Variants in CCDC171 observed in about 807,000 individuals in gnomAD.
CCDC171 encodes coiled-coil domain-containing protein 171.
Under a neutral mutation model 168.2 loss-of-function variants are expected in CCDC171, and 177 were observed. The ratio of observed to expected loss-of-function variants is 1.05; its 90% CI spans 0.93 to 1.19. The LOEUF is 1.19. CCDC171 is among the 50% of genes most tolerant of loss of function. The pLI, the probability that CCDC171 is intolerant of heterozygous loss-of-function variation, is 0.00. For synonymous variants in CCDC171, 687 were observed against 540.8 expected, an observed-to-expected ratio of 1.27 and a Z score of -3.75; for missense variants, 1,991 against 1,539.0, an observed-to-expected ratio of 1.29 and a Z score of -4.91.
At chr9:15,874,972 G>A (rs771755164) in intron 24 of CCDC171, 14 of 176,042 alleles carry the variant, frequency 8.0e-5, no homozygotes, top group Non-Finnish European at 1.3e-4. Flanking sequence ...ACACTAGGCT[G>A]TTACCTCTTT....
At chr9:15,940,604 T>C (rs1827602547) in intron 25 of CCDC171, among the ~76,000 whole-genome samples, 1 of 151,956 alleles carries the variant, frequency 6.6e-6, no homozygotes, top group Non-Finnish European at 1.5e-5. Flanking sequence ...TCTCTCTCCA[T>C]CTCCCTCACC....
At chr9:16,048,949 C>CAAAAA (rs34680045) in intron 1 of CCDC171, among the ~76,000 whole-genome samples, 2 of 137,236 alleles carry the variant, frequency 1.5e-5, no homozygotes, top group South Asian at 2.3e-4. Context: ...TATAGAAAGA[C>CAAAAA]AAAAAAAAAA....
chr9:15,850,570 A>G (rs913323091), intron 23 of CCDC171, among the ~76,000 whole-genome samples: 2 of 151,984 alleles, frequency 1.3e-5, no homozygotes, highest in Non-Finnish European at 2.9e-5. Flanking sequence ...AGAAAATTCT[A>G]TTAATATAGT....
At chr9:15,724,569 A>T (rs541057345) in intron 13 of CCDC171, among the ~76,000 whole-genome samples, 1 of 152,242 alleles carries the variant, frequency 6.6e-6, no homozygotes, top group African/African-American at 2.4e-5. Flanking sequence ...ATGTTTAAAC[A>T]TAACAAATGT....
intron 24 of CCDC171, among the ~76,000 whole-genome samples, chr9:15,919,873 ACT>A (rs1321916844): frequency 6.6e-6 from 1 of 151,616 alleles, no homozygotes; most frequent in Non-Finnish European, 1.5e-5. Flanking sequence ...AATTTTACTA[ACT>A]CAGCTTATTT....
intron 7 of CCDC171, among the ~76,000 whole-genome samples, chr9:15,637,773 T>C (rs2132452780): frequency 6.6e-6 from 1 of 152,122 alleles, no homozygotes; most frequent in African/African-American, 2.4e-5. Flanking sequence ...TCCAATTTCA[T>C]CCATGTCCCT....
intron 3 of CCDC171, among the ~76,000 whole-genome samples, chr9:15,986,173 G>C (rs115674376): frequency 1.6e-3 from 240 of 152,294 alleles, no homozygotes; most frequent in African/African-American, 5.7e-3. Context: ...AACAGAAGAA[G>C]ATTAAAATAC....
intron 24 of CCDC171, among the ~76,000 whole-genome samples, chr9:15,889,824 C>T (rs1017638619): frequency 1.3e-5 from 2 of 152,164 alleles, no homozygotes; most frequent in African/African-American, 4.8e-5. Context: ...CCAGACTCTG[C>T]TGGTATTCAG....
intron 9 of CCDC171, among the ~76,000 whole-genome samples, chr9:15,667,197 C>G (rs1239151538): frequency 6.6e-6 from 1 of 152,128 alleles, no homozygotes; most frequent in Non-Finnish European, 1.5e-5. Flanking sequence ...ACATTTTAAA[C>G]CATTTCCCCC....
At chr9:15,657,904 A>T (rs1339227703) in intron 8 of CCDC171, among the ~76,000 whole-genome samples, 4 of 152,188 alleles carry the variant, frequency 2.6e-5, no homozygotes, top group Admixed American at 2.0e-4. Flanking sequence ...GCATTTTATT[A>T]GGGGTTGGCA....
intron 7 of CCDC171, among the ~76,000 whole-genome samples, chr9:15,628,830 A>G (rs2045410935): frequency 1.3e-5 from 2 of 152,158 alleles, no homozygotes; most frequent in Non-Finnish European, 1.5e-5. Context: ...CTCTGAGACA[A>G]AACTTCCAGA....
intron 3 of CCDC171, among the ~76,000 whole-genome samples, chr9:15,572,174 A>T (rs2040280989): frequency 6.6e-6 from 1 of 152,122 alleles, no homozygotes; most frequent in Non-Finnish European, 1.5e-5. Context: ...CTTAGTTTAT[A>T]AGTCATTATT....
At chr9:15,902,974 G>A (rs927708092) in intron 24 of CCDC171, among the ~76,000 whole-genome samples, 2 of 152,176 alleles carry the variant, frequency 1.3e-5, no homozygotes, top group Non-Finnish European at 2.9e-5. Context: ...AGGCGGCAGC[G>A]AGCTGGGGGA....
At chr9:15,692,876 C>T (rs1321170749) in intron 10 of CCDC171, among the ~76,000 whole-genome samples, 5 of 151,388 alleles carry the variant, frequency 3.3e-5, no homozygotes, top group Non-Finnish European at 7.4e-5. Flanking sequence ...GTGGCTCACC[C>T]CTGTAATCCC....
At chr9:15,737,406 G>A (rs756636200) in intron 16 of CCDC171, among the ~76,000 whole-genome samples, 2 of 152,140 alleles carry the variant, frequency 1.3e-5, no homozygotes, top group South Asian at 2.1e-4. Context: ...AGTTTGAGGA[G>A]GCTTAGCAGA....
chr9:15,668,286 C>T lies in CCDC171; in HGVS notation c.1076+1963C>T, dbSNP rs577381886. The stretch of plus-strand genomic sequence containing the variant: ...ATTGGACTGGAGGAATTTTAACCTA[C>T]TTGCTAACACTTAAGCTCTGAGTCT... On this transcript the variant is annotated intron_variant, in intron 9 of 25. Transcript: ENST00000380701. Among the ~76,000 whole-genome samples, 4 of 152,294 alleles carry T rather than the reference C, an allele frequency of 2.6e-5. 1 individual carries two copies. The South Asian group carries it at 8.3e-4, about 32-fold the overall frequency.
At chr9:15,633,326 G>GA (rs1385945398) in intron 7 of CCDC171, among the ~76,000 whole-genome samples, 2 of 151,776 alleles carry the variant, frequency 1.3e-5, no homozygotes, top group Non-Finnish European at 1.5e-5. Context: ...AAATTTACAA[G>GA]AAAAAAACAA....
At chr9:15,654,580 A>G (rs1056559760) in intron 7 of CCDC171, among the ~76,000 whole-genome samples, 3 of 152,210 alleles carry the variant, frequency 2.0e-5, no homozygotes, top group Non-Finnish European at 4.4e-5. Flanking sequence ...ATCCATTACC[A>G]TCTTTGTCTG....
At chr9:16,077,779 G>C in the CCDC171 span, among the ~76,000 whole-genome samples, 1 of 152,174 alleles carries the variant, frequency 6.6e-6, no homozygotes, top group African/African-American at 2.4e-5. Flanking sequence ...CACCTGACCT[G>C]CATTCCCTGA....
Sources: gnomAD v4.1 joint callset for allele counts (sites outside exome capture counted in the v4.1 genomes callset) on GRCh38, gnomAD v4.1.1 for gene constraint, MANE v1.5 for transcripts, NCBI Gene and HGNC (gene_info 2026-07-23, HGNC 2026-07-21) for gene names.